The following KLF12 variants were observed in gnomAD, a reference collection of about 807,000 sequenced individuals.
KLF12 encodes KLF transcription factor 12.
KLF12 carries 9 observed loss-of-function variants against 37.8 expected under a neutral mutation model. The ratio of observed to expected loss-of-function variants is 0.24; its 90% CI spans 0.14 to 0.42. The LOEUF is 0.42. Among genes scored for constraint, KLF12 ranks in the 10% least tolerant of loss-of-function variants. KLF12 has a pLI of 1.00. For synonymous variants in KLF12, 208 were observed against 202.1 expected (o/e 1.03, Z -0.25); for missense variants, 411 against 516.0 (o/e 0.80, Z 1.97).
At chr13:73,827,108 T>A (rs1370546008) in intron 4 of KLF12, among the ~76,000 whole-genome samples, 1 of 152,234 alleles carries the variant, frequency 6.6e-6, no homozygotes, top group African/African-American at 2.4e-5. Flanking sequence ...ATTTGATTTT[T>A]TCATTTAACA....
chr13:74,279,851 T>C, the KLF12 span, among the ~76,000 whole-genome samples: 1 of 152,222 alleles, frequency 6.6e-6, no homozygotes, highest in Non-Finnish European at 1.5e-5. Context: ...TTAAAAAGTT[T>C]TGACTTATTC....
intron 7 of KLF12, among the ~76,000 whole-genome samples, chr13:73,702,888 T>C (rs1374465180): frequency 6.6e-6 from 1 of 152,178 alleles, no homozygotes; most frequent in African/African-American, 2.4e-5. Context: ...ACCTTCAAGA[T>C]GAGGAAACTG....
At chr13:74,284,816 T>C in the KLF12 span, among the ~76,000 whole-genome samples, 3 of 152,212 alleles carry the variant, frequency 2.0e-5, no homozygotes, top group African/African-American at 4.8e-5. Flanking sequence ...ATGAAAATTA[T>C]GGGCATTGTA....
At chr13:73,987,914 G>A (rs1891869599) in intron 2 of KLF12, among the ~76,000 whole-genome samples, 1 of 151,918 alleles carries the variant, frequency 6.6e-6, no homozygotes, top group Non-Finnish European at 1.5e-5. Flanking sequence ...GACAAGGAAG[G>A]AGAGGAAGGT....
At chr13:73,999,455 C>T (rs918586381) in intron 1 of KLF12, among the ~76,000 whole-genome samples, 2 of 152,096 alleles carry the variant, frequency 1.3e-5, no homozygotes, top group African/African-American at 2.4e-5. Context: ...AGGCATAGGC[C>T]GGGCACAGTG....
the KLF12 span, among the ~76,000 whole-genome samples, chr13:74,141,656 CT>C: frequency 1.3e-5 from 2 of 152,206 alleles, no homozygotes; most frequent in African/African-American, 4.8e-5. Context: ...TTAAATACAG[CT>C]GCCCCTCCCT....
the KLF12 span, among the ~76,000 whole-genome samples, chr13:74,175,231 A>G: frequency 6.6e-6 from 1 of 152,186 alleles, no homozygotes; most frequent in Non-Finnish European, 1.5e-5. Flanking sequence ...CTGACCCCCA[A>G]GGGAGGCTGC....
At chr13:73,851,311 A>G (rs963284027) in intron 3 of KLF12, among the ~76,000 whole-genome samples, 1 of 152,242 alleles carries the variant, frequency 6.6e-6, no homozygotes, top group African/African-American at 2.4e-5. Flanking sequence ...GCGGAGGCAC[A>G]GTGTTTACTG....
chr13:74,038,380 A>G (rs1338243266), intron 1 of KLF12, among the ~76,000 whole-genome samples: 1 of 152,222 alleles, frequency 6.6e-6, no homozygotes, highest in East Asian at 1.9e-4. Flanking sequence ...ACTGCTGCCT[A>G]GCATTGCTCT....
chr13:73,705,228 T>C (rs1402407052), intron 7 of KLF12, among the ~76,000 whole-genome samples: 4 of 152,214 alleles, frequency 2.6e-5, no homozygotes, highest in East Asian at 1.9e-4. Context: ...TTCTTAGTTA[T>C]GGAGATTTTT....
At chr13:74,074,295 T>G (rs759640664) in intron 1 of KLF12, among the ~76,000 whole-genome samples, 1 of 152,158 alleles carries the variant, frequency 6.6e-6, no homozygotes, top group African/African-American at 2.4e-5. Flanking sequence ...ACAAACCCAG[T>G]GAGCTCTGAT....
chr13:73,842,554 C>T (rs560500180), intron 4 of KLF12, among the ~76,000 whole-genome samples: 12 of 152,162 alleles, frequency 7.9e-5, no homozygotes, highest in South Asian at 2.1e-4. Context: ...TGAGCTTAGA[C>T]GGATATGCGC....
chr13:73,703,421 T>G (rs1355515601), intron 7 of KLF12, among the ~76,000 whole-genome samples: 2 of 152,110 alleles, frequency 1.3e-5, no homozygotes, highest in African/African-American at 4.8e-5. Context: ...AGCAGACCAA[T>G]CTATTCCATA....
chr13:74,161,854 A>G, the KLF12 span, among the ~76,000 whole-genome samples: 1 of 152,222 alleles, frequency 6.6e-6, no homozygotes, highest in Non-Finnish European at 1.5e-5. Flanking sequence ...ATAAGTGCTC[A>G]TGATAGACTC....
chr13:73,947,377 G>A (rs9318230), intron 2 of KLF12, among the ~76,000 whole-genome samples: 53,299 of 151,990 alleles, frequency 0.35, 10,336 homozygotes, highest in East Asian at 0.59. Flanking sequence ...ATGGCCGGGC[G>A]TGGTGGCTCA....
At chr13:74,099,954 C>A (rs757112605) in intron 1 of KLF12, among the ~76,000 whole-genome samples, 10 of 152,108 alleles carry the variant, frequency 6.6e-5, no homozygotes, top group Non-Finnish European at 1.3e-4. Context: ...TTGTGCCCAG[C>A]AGCACCCAGA....
chr13:74,062,049 G>A (rs888165518), intron 1 of KLF12, among the ~76,000 whole-genome samples: 1 of 152,172 alleles, frequency 6.6e-6, no homozygotes, highest in African/African-American at 2.4e-5. Context: ...TCTTGAGACT[G>A]TGGTTACCCT....
the KLF12 span, among the ~76,000 whole-genome samples, chr13:74,191,379 C>T: frequency 1.3e-5 from 2 of 152,098 alleles, no homozygotes; most frequent in East Asian, 3.9e-4. Flanking sequence ...ATATAAATGC[C>T]CAAAGCCCTG....
chr13:74,043,410 C>T (rs1893460683), intron 1 of KLF12, among the ~76,000 whole-genome samples: 1 of 152,136 alleles, frequency 6.6e-6, no homozygotes, highest in South Asian at 2.1e-4. Context: ...AAACTCATTC[C>T]AACTTCCGTA....
Sources: gnomAD v4.1 joint callset for allele counts (sites outside exome capture counted in the v4.1 genomes callset) on GRCh38, gnomAD v4.1.1 for gene constraint, MANE v1.5 for transcripts, NCBI Gene and HGNC (gene_info 2026-07-23, HGNC 2026-07-21) for gene names.